The following USP40 variants were observed in gnomAD, a reference collection of about 807,000 sequenced individuals.
USP40 encodes the protein ubiquitin specific peptidase 40.
Under a neutral mutation model 166.2 loss-of-function variants are expected in USP40, and 143 were observed. That is an observed-to-expected ratio of 0.86 (90% CI 0.75 to 0.99). The LOEUF (loss-of-function observed/expected upper bound fraction) is 0.99, where lower values mean the gene tolerates loss of function less well. Ranked by LOEUF, USP40 falls within the 50% of genes least tolerant of loss-of-function variation. The pLI, the probability that USP40 is intolerant of heterozygous loss-of-function variation, is 0.00. For synonymous variants in USP40, 498 were observed against 524.0 expected (o/e 0.95, Z 0.68); for missense variants, 1,444 against 1,479.7 (o/e 0.98, Z 0.40).
chr2:233,483,946 T>A (rs1174076667), intron 30 of USP40, among the ~76,000 whole-genome samples: 5 of 152,352 alleles, frequency 3.3e-5, no homozygotes, highest in African/African-American at 1.2e-4. Flanking sequence ...CTCAAGTATC[T>A]GTCACATTTC....
chr2:233,498,514 C>T (rs2603546), intron 23 of USP40, 34 bp downstream of exon 23: 311,939 of 1,583,078 alleles, frequency 0.2, 32,256 homozygotes, highest in Middle Eastern at 0.21. Flanking sequence ...TAAATGTAAT[C>T]ATACGAAAGT....
rs376529466 is a variant in USP40, at chr2:233,498,518, C to T, written c.2715+30G>A. 2.7e-4 allele frequency: 434 copies of T among 1,591,546 alleles called. 2 individuals carry two copies. The African/African-American group carries it at 4.2e-3, about 15-fold the overall frequency. On this transcript the variant is annotated intron_variant, in intron 23 of 31. Coordinates refer to ENST00000678225, the MANE Select transcript of USP40 (RefSeq NM_001365479.2). ...AAAATATGACATAAATGTAATCATA[C>T]GAAAGTACAATGTATAGAAATCATC...
chr2:233,507,446 G>A (rs991364159), intron 21 of USP40, among the ~76,000 whole-genome samples: 1 of 152,004 alleles, frequency 6.6e-6, no homozygotes, highest in Non-Finnish European at 1.5e-5. Flanking sequence ...TGGATGAATA[G>A]GTAAGGAAAA....
intron 27 of USP40, among the ~76,000 whole-genome samples, chr2:233,488,875 C>A (rs1218093337): frequency 1.3e-5 from 2 of 151,882 alleles, no homozygotes; most frequent in Non-Finnish European, 2.9e-5. Context: ...CCACTGCACT[C>A]CAGCCTGGGC....
At chr2:233,549,258 T>C (rs537952203) in intron 7 of USP40, 29 bp from the exon 8 acceptor site, 3 of 1,217,342 alleles carry the variant, frequency 2.5e-6, no homozygotes, top group African/African-American at 3.0e-5. Context: ...AAAATATTGA[T>C]ATAGTTTTCA....
chr2:233,491,834 C>G (rs1415180635), intron 25 of USP40, among the ~76,000 whole-genome samples: 11 of 152,116 alleles, frequency 7.2e-5, no homozygotes, highest in Non-Finnish European at 1.2e-4. Flanking sequence ...GGGAAAAACA[C>G]AATGCTTTCT....
chr2:233,559,847 T>C lies in USP40; in HGVS notation c.345A>G (p.Ala115=), dbSNP rs753762934. ...LLLDQEAAST[A]DLTDSFGWTS... ...TCCACCCAAAGCTGTCAGTGAGGTC[T>C]GCTGTGGATGCAGCTTCCTGGTCTA... The change falls in exon 4 of 32, where the codon GCA becomes GCG. Residue 115 remains alanine (A), a synonymous_variant. Transcript: ENST00000678225. 15 of 1,610,210 alleles carry C rather than the reference T, an allele frequency of 9.3e-6. No individual in the cohort carries two copies. The highest frequency in any genetic ancestry group is 6.7e-5 in the East Asian group (3 of 44,870).
chr2:233,530,305 T>G (rs1235725079), intron 11 of USP40, among the ~76,000 whole-genome samples: 1 of 152,146 alleles, frequency 6.6e-6, no homozygotes, highest in Non-Finnish European at 1.5e-5. Context: ...TCATACACTG[T>G]ATTTTCCAAA....
At chr2:233,538,393 A>C (rs2069097193) in intron 10 of USP40, among the ~76,000 whole-genome samples, 2 of 152,206 alleles carry the variant, frequency 1.3e-5, no homozygotes, top group South Asian at 4.1e-4. Flanking sequence ...AACACAGGCA[A>C]AGTCGTTTTC....
chr2:233,491,603 CGTGT>C (rs3075066), intron 25 of USP40, among the ~76,000 whole-genome samples: 64,128 of 149,768 alleles, frequency 0.43, 13,766 homozygotes, highest in South Asian at 0.51. Flanking sequence ...ACCTGTTCCT[CGTGT>C]GTGTGTGTGT....
chr2:233,505,062 A>G (rs1282610369), intron 21 of USP40, among the ~76,000 whole-genome samples: 1 of 152,150 alleles, frequency 6.6e-6, no homozygotes, highest in Non-Finnish European at 1.5e-5. Context: ...AAAACCTTAC[A>G]AATACATGGA....
intron 25 of USP40, 52 bp from the exon 26 acceptor site, chr2:233,491,313 G>C: frequency 7.7e-7 from 1 of 1,302,450 alleles, no homozygotes; most frequent in Non-Finnish European, 1.1e-6. Context: ...CTTATTTTGT[G>C]TTTCTGAAAT....
chr2:233,517,101 A>T (rs1283275818), intron 18 of USP40, among the ~76,000 whole-genome samples: 5 of 152,126 alleles, frequency 3.3e-5, no homozygotes, highest in Admixed American at 3.3e-4. Context: ...AAAGGCAATG[A>T]ATTTCTGTAT....
At chr2:233,529,353 T>A in intron 12 of USP40, 78 bp downstream of exon 12, 1 of 1,210,216 alleles carries the variant, frequency 8.3e-7, no homozygotes, top group Non-Finnish European at 1.1e-6. Context: ...TTAATTTTCA[T>A]TACTGAATGC....
At chr2:233,555,940 C>T (rs963262583) in intron 5 of USP40, among the ~76,000 whole-genome samples, 10 of 151,652 alleles carry the variant, frequency 6.6e-5, no homozygotes, top group Non-Finnish European at 2.9e-5. Flanking sequence ...TGGTGAAACC[C>T]CGTCTCTACT....
intron 8 of USP40, among the ~76,000 whole-genome samples, chr2:233,543,836 C>A (rs2069650123): frequency 6.6e-6 from 1 of 152,226 alleles, no homozygotes; most frequent in African/African-American, 2.4e-5. Flanking sequence ...ACCGATCTTG[C>A]TGACACTGAA....
At chr2:233,552,588 C>T (rs573495907) in intron 6 of USP40, among the ~76,000 whole-genome samples, 1 of 152,204 alleles carries the variant, frequency 6.6e-6, no homozygotes, top group African/African-American at 2.4e-5. Context: ...GGTATCTTTC[C>T]AACACTGTTC....
At position 233,485,870 on chromosome 2, in the gene USP40, GAGCCGGC is replaced by G; in HGVS notation, c.3298_3304del (p.Ala1100ProfsTer2). On this transcript the variant is annotated frameshift_variant, in exon 29 of 32. Coordinates refer to ENST00000678225, the MANE Select transcript of USP40 (RefSeq NM_001365479.2). LOFTEE classifies it high-confidence loss of function. ...GAAATCGGCAACTCTCTGCCTCAGG[GAGCCGGC>G]AGTCCCACCCTGGGCCGCGTTCCAC... 1 of 1,608,156 alleles carries G rather than the reference GAGCCGGC, an allele frequency of 6.2e-7. No homozygotes were observed. The highest frequency in any genetic ancestry group is 8.5e-7 in the Non-Finnish European group (1 of 1,177,606).
rs747259576 is a variant in USP40, at chr2:233,533,714, C to T, written c.1236G>A (p.Lys412=). The change falls in exon 11 of 32, where the codon AAG becomes AAA. Residue 412 remains lysine, a synonymous_variant. Transcript: ENST00000678225. ...SSDESTVRLL[K]NSSLQAESDF... The stretch of plus-strand genomic sequence containing the variant: ...CAGACTCAGCCTGGAGAGAACTATT[C>T]TTCAAGAGACGAACTGTACTTTCAT... 7.4e-5 allele frequency: 120 copies of T among 1,612,980 alleles called. No individual in the cohort carries two copies. The highest frequency in any genetic ancestry group is 1.0e-4 in the Non-Finnish European group (119 of 1,179,608).
Sources: allele counts gnomAD v4.1 joint callset (sites outside exome capture counted in the v4.1 genomes callset), GRCh38; gene constraint gnomAD v4.1.1; transcripts MANE v1.5; gene names NCBI Gene and HGNC (gene_info 2026-07-23, HGNC 2026-07-21).